The following ENTHD1 variants were observed in gnomAD, a reference collection of about 807,000 sequenced individuals.
ENTHD1 encodes the protein ENTH domain-containing protein 1.
Under a neutral mutation model 39.1 loss-of-function variants are expected in ENTHD1, and 23 were observed. The observed-to-expected ratio is 0.59, with a 90% CI of 0.42 to 0.83. The LOEUF is 0.83. ENTHD1 is among the 40% of genes least tolerant of loss of function. The probability of loss-of-function intolerance (pLI) is 0.00; values close to 1 mark genes in which losing one functional copy is unlikely to be tolerated. For synonymous variants in ENTHD1, 230 were observed against 258.2 expected (o/e 0.89, Z 1.05); for missense variants, 624 against 705.4 (o/e 0.88, Z 1.31).
At chr22:39,829,825 T>TAAATAAATAAATAAAA (rs1320866748) in intron 4 of ENTHD1, among the ~76,000 whole-genome samples, 4 of 151,222 alleles carry the variant, frequency 2.6e-5, no homozygotes, top group South Asian at 4.2e-4. Flanking sequence ...AATAAATAAA[T>TAAATAAATAAATAAAA]AAAATAATTT....
At chr22:39,846,613 G>GT in intron 3 of ENTHD1, among the ~76,000 whole-genome samples, 1 of 152,038 alleles carries the variant, frequency 6.6e-6, no homozygotes, top group Non-Finnish European at 1.5e-5. Flanking sequence ...GTTTTTTATG[G>GT]TTTTAGGTCT....
At chr22:39,776,839 A>G (rs1403178718) in intron 5 of ENTHD1, among the ~76,000 whole-genome samples, 1 of 152,246 alleles carries the variant, frequency 6.6e-6, no homozygotes, top group Non-Finnish European at 1.5e-5. Context: ...TTGCCTGCAG[A>G]TAGGAACATT....
intron 2 of ENTHD1, among the ~76,000 whole-genome samples, chr22:39,863,667 C>A (rs1368246558): frequency 6.6e-6 from 1 of 152,204 alleles, no homozygotes; most frequent in African/African-American, 2.4e-5. Flanking sequence ...GCTTCCCAAG[C>A]CACCTTTCAA....
At chr22:39,864,613 T>C (rs575407679) in intron 2 of ENTHD1, among the ~76,000 whole-genome samples, 1 of 152,136 alleles carries the variant, frequency 6.6e-6, no homozygotes, top group African/African-American at 2.4e-5. Context: ...TCTGCAAGAG[T>C]GACTGGCACA....
intron 2 of ENTHD1, among the ~76,000 whole-genome samples, chr22:39,877,575 A>AT (rs1288428104): frequency 6.6e-6 from 1 of 152,170 alleles, no homozygotes; most frequent in Admixed American, 6.5e-5. Context: ...TAACTGAGAG[A>AT]TAAAAACTCC....
At chr22:39,875,191 CATT>C (rs2066277619) in intron 2 of ENTHD1, 4 of 705,488 alleles carry the variant, frequency 5.7e-6, no homozygotes, top group Non-Finnish European at 7.7e-6. Flanking sequence ...CTCTCAGAAA[CATT>C]ATGTTGAGAG....
At chr22:39,868,338 C>A (rs775200920) in intron 2 of ENTHD1, among the ~76,000 whole-genome samples, 93 of 139,386 alleles carry the variant, frequency 6.7e-4, no homozygotes, top group Admixed American at 1.2e-3. Context: ...ACTGGAGAAA[C>A]CTTTATTTTA....
intron 5 of ENTHD1, among the ~76,000 whole-genome samples, chr22:39,775,657 C>G (rs2146576489): frequency 6.6e-6 from 1 of 152,268 alleles, no homozygotes; most frequent in Admixed American, 6.5e-5. Context: ...TCGATTTCCC[C>G]TCGGGCTCAC....
At chr22:39,800,479 T>G (rs751658622) in intron 5 of ENTHD1, among the ~76,000 whole-genome samples, 6 of 152,228 alleles carry the variant, frequency 3.9e-5, no homozygotes, top group Non-Finnish European at 7.3e-5. Flanking sequence ...AACCTACACA[T>G]GCTTTCTTCC....
chr22:39,816,828 A>C (rs2065737109), intron 5 of ENTHD1, among the ~76,000 whole-genome samples: 1 of 152,072 alleles, frequency 6.6e-6, no homozygotes, highest in Non-Finnish European at 1.5e-5. Flanking sequence ...ACCATTAAGA[A>C]AGTTGAAAGA....
At chr22:39,873,297 A>G (rs896391711) in intron 2 of ENTHD1, among the ~76,000 whole-genome samples, 2 of 152,192 alleles carry the variant, frequency 1.3e-5, no homozygotes, top group African/African-American at 4.8e-5. Context: ...TCTATAATCC[A>G]TACAATTCCT....
At chr22:39,821,256 C>G in intron 4 of ENTHD1, 143 bp from the exon 5 acceptor site, 1 of 1,081,390 alleles carries the variant, frequency 9.2e-7, no homozygotes, top group Non-Finnish European at 1.3e-6. Context: ...ATACATCTAT[C>G]ACTTGGCTGT....
At chr22:39,768,583 T>C (rs1305896620) in intron 5 of ENTHD1, among the ~76,000 whole-genome samples, 5 of 152,176 alleles carry the variant, frequency 3.3e-5, no homozygotes, top group Non-Finnish European at 4.4e-5. Context: ...GTAATATTTC[T>C]ATAAACTCAT....
At chr22:39,855,180 T>C (rs771703516) in intron 3 of ENTHD1, among the ~76,000 whole-genome samples, 88 of 152,216 alleles carry the variant, frequency 5.8e-4, no homozygotes, top group Non-Finnish European at 9.7e-4. Context: ...CACAAATAGC[T>C]GTTTTCAGTA....
chr22:39,782,495 C>G (rs2065418534), intron 5 of ENTHD1, among the ~76,000 whole-genome samples: 1 of 151,348 alleles, frequency 6.6e-6, no homozygotes, highest in Non-Finnish European at 1.5e-5. Context: ...CAAAACCAGA[C>G]AAGGACACAA....
At chr22:39,826,173 C>G (rs562335176) in intron 4 of ENTHD1, among the ~76,000 whole-genome samples, 1 of 152,068 alleles carries the variant, frequency 6.6e-6, no homozygotes, top group African/African-American at 2.4e-5. Flanking sequence ...ATGCCTGGCC[C>G]GTAAGTATAA....
At chr22:39,823,506 G>A (rs1034013192) in intron 4 of ENTHD1, among the ~76,000 whole-genome samples, 2 of 151,906 alleles carry the variant, frequency 1.3e-5, no homozygotes, top group African/African-American at 2.4e-5. Flanking sequence ...CACCATGCCC[G>A]ACTAAATTTT....
chr22:39,882,766 A>C (rs2066348728), intron 2 of ENTHD1, among the ~76,000 whole-genome samples: 1 of 152,126 alleles, frequency 6.6e-6, no homozygotes. Flanking sequence ...GCACTTTGGG[A>C]GGCTGAGGTG....
intron 5 of ENTHD1, among the ~76,000 whole-genome samples, chr22:39,792,677 C>T (rs867829661): frequency 7.9e-5 from 12 of 152,114 alleles, no homozygotes; most frequent in South Asian, 2.1e-4. Context: ...AGGAGGTGCA[C>T]TAAACTCTTT....
Sources: gnomAD v4.1 joint callset for allele counts (sites outside exome capture counted in the v4.1 genomes callset) on GRCh38, gnomAD v4.1.1 for gene constraint, MANE v1.5 for transcripts, NCBI Gene and HGNC (gene_info 2026-07-23, HGNC 2026-07-21) for gene names.